TNR: variants seen among roughly 807,000 people sequenced by gnomAD.
TNR encodes the protein tenascin R.
Under a neutral mutation model 150.4 loss-of-function variants are expected in TNR, and 45 were observed. The ratio of observed to expected loss-of-function variants is 0.30; its 90% CI spans 0.24 to 0.38. The LOEUF is 0.38. Ranked by LOEUF, TNR falls within the 10% of genes least tolerant of loss-of-function variation. The pLI is 1.00. For missense variants in TNR, 1,544 were observed against 1,759.1 expected (o/e 0.88, Z 2.19); for synonymous variants, 687 against 678.4 (o/e 1.01, Z -0.20).
chr1:175,484,727 T>C (rs1214747268), intron 2 of TNR, among the ~76,000 whole-genome samples: 1 of 152,192 alleles, frequency 6.6e-6, no homozygotes, highest in South Asian at 2.1e-4. Flanking sequence ...GTGACGATAA[T>C]GGTACTGATG....
At chr1:175,591,119 C>T (rs939162780) in intron 1 of TNR, among the ~76,000 whole-genome samples, 5 of 152,186 alleles carry the variant, frequency 3.3e-5, no homozygotes, top group Non-Finnish European at 7.3e-5. Context: ...GATGCCACAT[C>T]CTCCTGGCCA....
chr1:175,394,950 G>T (rs1191121219), intron 5 of TNR, among the ~76,000 whole-genome samples: 1 of 152,144 alleles, frequency 6.6e-6, no homozygotes, highest in African/African-American at 2.4e-5. Context: ...AGGCACTTAG[G>T]GTGGTGACTC....
At chr1:175,337,253 C>T (rs10798386) in intron 19 of TNR, among the ~76,000 whole-genome samples, 1 of 152,124 alleles carries the variant, frequency 6.6e-6, no homozygotes, top group South Asian at 2.1e-4. Flanking sequence ...GCCCAACAGA[C>T]CCGCGACTGC....
intron 2 of TNR, among the ~76,000 whole-genome samples, chr1:175,508,575 G>A (rs1218142679): frequency 6.6e-6 from 1 of 152,242 alleles, no homozygotes; most frequent in Admixed American, 6.5e-5. Flanking sequence ...ACTGCTCACT[G>A]TGGCAGTAGC....
chr1:175,464,251 C>T (rs1166694056), intron 2 of TNR, among the ~76,000 whole-genome samples: 2 of 152,226 alleles, frequency 1.3e-5, no homozygotes, highest in South Asian at 2.1e-4. Context: ...AATCCATTTT[C>T]CCCACCAGGT....
intron 1 of TNR, among the ~76,000 whole-genome samples, chr1:175,683,429 A>T (rs896125691): frequency 6.6e-6 from 1 of 152,112 alleles, no homozygotes; most frequent in Non-Finnish European, 1.5e-5. Flanking sequence ...TACTGGAACA[A>T]TTTTTCTCAA....
chr1:175,613,784 G>T (rs1663675637), intron 1 of TNR, among the ~76,000 whole-genome samples: 1 of 152,108 alleles, frequency 6.6e-6, no homozygotes. Flanking sequence ...TCAGAATTTG[G>T]CCTCCTGCAT....
Position 175,323,127 on chromosome 1 carries a change from G to A in TNR, c.*230C>T. 2.2e-6 allele frequency: 1 copy of A among 444,936 alleles called. No homozygotes were observed. Among genetic ancestry groups the A allele is most frequent in the Non-Finnish European group, 3.9e-6 (1 of 255,678 alleles). 27.6% of individuals were successfully genotyped at this position (444,936 alleles called of 1,614,324 possible). A position where few individuals can be genotyped will look rare whatever the true frequency, so the allele number is the denominator to read the frequency against. On this transcript the variant is annotated 3_prime_UTR_variant, in exon 23 of 23. Coordinates refer to ENST00000367674, the MANE Select transcript of TNR (RefSeq NM_003285.3). ...TCTCCTCCTTGGTGGGAAAGGAGGT[G>A]AAGGTTGAGGAGGCCTGGGTAGGAG...
intron 2 of TNR, among the ~76,000 whole-genome samples, chr1:175,457,422 T>C (rs2102100695): frequency 6.6e-6 from 1 of 152,376 alleles, no homozygotes; most frequent in African/African-American, 2.4e-5. Context: ...CATTGAGCCG[T>C]GGCCTGGTGG....
At chr1:175,688,251 C>G (rs911437155) in intron 1 of TNR, among the ~76,000 whole-genome samples, 2 of 152,190 alleles carry the variant, frequency 1.3e-5, no homozygotes, top group Non-Finnish European at 2.9e-5. Flanking sequence ...TTGTGGCAGA[C>G]AAGCCTATCT....
intron 1 of TNR, among the ~76,000 whole-genome samples, chr1:175,720,025 T>C (rs1377445334): frequency 6.6e-6 from 1 of 152,256 alleles, no homozygotes; most frequent in Non-Finnish European, 1.5e-5. Context: ...GAGGGAGATC[T>C]GGACTGTTTC....
chr1:175,611,446 TCTCAGC>T (rs1274902005), intron 1 of TNR, among the ~76,000 whole-genome samples: 2 of 152,074 alleles, frequency 1.3e-5, no homozygotes, highest in Non-Finnish European at 2.9e-5. Flanking sequence ...AACCCTCCTG[TCTCAGC>T]CTCCCAAGTA....
At chr1:175,495,949 C>A (rs1053550679) in intron 2 of TNR, among the ~76,000 whole-genome samples, 1 of 152,358 alleles carries the variant, frequency 6.6e-6, no homozygotes, top group South Asian at 2.1e-4. Flanking sequence ...TACTTCCCCA[C>A]ATCCTGTCAC....
intron 17 of TNR, 46 bp from the exon 18 acceptor site, chr1:175,354,569 T>C: frequency 6.2e-7 from 1 of 1,612,516 alleles, no homozygotes. Context: ...AGCAACTGGC[T>C]TGCAATTTGG....
intron 1 of TNR, among the ~76,000 whole-genome samples, chr1:175,650,709 C>T (rs1278777619): frequency 5.4e-3 from 2 of 368 alleles, no homozygotes; most frequent in Non-Finnish European, 0.01. Context: ...CCCATTACTA[C>T]CCCTCCCCCT....
chr1:175,509,509 C>G (rs553918193), intron 2 of TNR, among the ~76,000 whole-genome samples: 5 of 152,148 alleles, frequency 3.3e-5, no homozygotes, highest in Non-Finnish European at 7.3e-5. Context: ...TGCCTGGGCA[C>G]CTAAAGAACT....
chr1:175,700,709 G>A (rs757668638), intron 1 of TNR, among the ~76,000 whole-genome samples: 17 of 152,172 alleles, frequency 1.1e-4, no homozygotes, highest in Admixed American at 5.2e-4. Context: ...GGTGACCACG[G>A]AGGTAGAATC....
chr1:175,428,144 G>A (rs1275993613), intron 2 of TNR, among the ~76,000 whole-genome samples: 1 of 152,196 alleles, frequency 6.6e-6, no homozygotes, highest in Admixed American at 6.5e-5. Context: ...TTATTGAATA[G>A]CTATTATGTA....
At chr1:175,358,032 A>G (rs1651411775) in intron 15 of TNR, among the ~76,000 whole-genome samples, 1 of 152,222 alleles carries the variant, frequency 6.6e-6, no homozygotes, top group African/African-American at 2.4e-5. Flanking sequence ...GACTTGAAGG[A>G]TGGGTTTTCT....
Sources: allele counts gnomAD v4.1 joint callset (sites outside exome capture counted in the v4.1 genomes callset), GRCh38; gene constraint gnomAD v4.1.1; transcripts MANE v1.5; gene names NCBI Gene and HGNC (gene_info 2026-07-23, HGNC 2026-07-21).